Variants in LRRTM3 observed in about 807,000 individuals in gnomAD.
LRRTM3 encodes leucine-rich repeat transmembrane neuronal protein 3.
Under a neutral mutation model 44.7 loss-of-function variants are expected in LRRTM3, and 24 were observed. The ratio of observed to expected loss-of-function variants is 0.54; its 90% CI spans 0.39 to 0.76. The LOEUF (loss-of-function observed/expected upper bound fraction) is 0.76, where lower values mean the gene tolerates loss of function less well. Among genes scored for constraint, LRRTM3 ranks in the 30% least tolerant of loss-of-function variants. The probability of loss-of-function intolerance (pLI) is 0.00; values close to 1 mark genes in which losing one functional copy is unlikely to be tolerated. For synonymous variants in LRRTM3, 277 were observed against 278.7 expected (o/e 0.99, Z 0.06); for missense variants, 587 against 702.2 (o/e 0.84, Z 1.85).
In LRRTM3 at chr10:67,075,291, A is replaced by G. The variant is rs548463670; in HGVS notation, c.1537-22296A>G. The stretch of plus-strand genomic sequence containing the variant: ...AAAAAAATCAAAGCCTACTTTATCC[A>G]TAAGTAGGTAAAGCAATGGTTACAT... On this transcript the variant is annotated intron_variant, in intron 2 of 2. Coordinates refer to ENST00000361320, the MANE Select transcript of LRRTM3 (RefSeq NM_178011.5). Among the ~76,000 whole-genome samples, 19 of 152,328 alleles carry G rather than the reference A, an allele frequency of 1.2e-4. No homozygotes were observed. In the South Asian group the frequency reaches 3.9e-3, roughly 32 times the overall value.
At chr10:67,055,109 A>G (rs1456109620) in intron 2 of LRRTM3, 1 of 152,194 alleles carries the variant, frequency 6.6e-6, no homozygotes, top group Admixed American at 6.5e-5. Flanking sequence ...TAGAGTCAGC[A>G]CATCCTGGGT....
chr10:66,931,101 G>A (rs1847361315), intron 2 of LRRTM3, among the ~76,000 whole-genome samples: 1 of 148,224 alleles, frequency 6.7e-6, no homozygotes, highest in Non-Finnish European at 1.5e-5. Flanking sequence ...AGTATTTCAA[G>A]TTCATGCAGA....
intron 2 of LRRTM3, among the ~76,000 whole-genome samples, chr10:66,996,000 C>A (rs959307244): frequency 6.6e-6 from 1 of 152,146 alleles, no homozygotes; most frequent in Non-Finnish European, 1.5e-5. Flanking sequence ...CTATTATATC[C>A]TACACAATCA....
At chr10:67,066,699 C>T (rs1386673345) in intron 2 of LRRTM3, among the ~76,000 whole-genome samples, 1 of 152,020 alleles carries the variant, frequency 6.6e-6, no homozygotes, top group Non-Finnish European at 1.5e-5. Context: ...AAATATTATC[C>T]CTCTTCCTTT....
At position 67,099,025 on chromosome 10, in the gene LRRTM3, A is replaced by G. The variant is rs1031077275; in HGVS notation, c.*1229A>G. 1.3e-5 allele frequency: 2 copies of G among 151,882 alleles called. No homozygotes were observed. Among genetic ancestry groups the G allele is most frequent in the Non-Finnish European group, 2.9e-5 (2 of 67,874 alleles). The allele number at this position is 151,882 out of a possible 1,614,324, so 9.4% of individuals were successfully genotyped here. ...AGCTCATTCAATATAGATATGAGCC[A>G]TGGTGGAGAACTTTATCACTCAAGT... On this transcript the variant is annotated 3_prime_UTR_variant, in exon 3 of 3. Transcript: ENST00000361320.
chr10:67,027,679 C>G (rs1853477624), intron 2 of LRRTM3, among the ~76,000 whole-genome samples: 1 of 152,012 alleles, frequency 6.6e-6, no homozygotes, highest in Admixed American at 6.6e-5. Context: ...TTGTCATCCA[C>G]TGGCCTCCCA....
At chr10:67,076,492 A>T (rs1371986021) in intron 2 of LRRTM3, among the ~76,000 whole-genome samples, 2 of 152,130 alleles carry the variant, frequency 1.3e-5, no homozygotes, top group Non-Finnish European at 2.9e-5. Flanking sequence ...TATTTCCAGG[A>T]CTCCATCAGA....
chr10:67,047,806 G>A (rs1854847044), intron 2 of LRRTM3, among the ~76,000 whole-genome samples: 1 of 151,858 alleles, frequency 6.6e-6, no homozygotes, highest in East Asian at 1.9e-4. Context: ...TTATTCCATG[G>A]TAACATACCC....
chr10:67,036,892 AT>A (rs202152419), intron 2 of LRRTM3, among the ~76,000 whole-genome samples: 2,162 of 152,282 alleles, frequency 0.014, 59 homozygotes, highest in African/African-American at 0.049. Flanking sequence ...GTGAAAAAAA[AT>A]AATAATGCAT....
In LRRTM3 at chr10:66,947,692, A is replaced by G. The variant is rs1848343570; in HGVS notation, c.1536+19240A>G. Among the ~76,000 whole-genome samples, 3 of 152,278 alleles carry G rather than the reference A, an allele frequency of 2.0e-5. No homozygotes were observed. In the South Asian group the frequency reaches 6.2e-4, roughly 32 times the overall value. On this transcript the variant is annotated intron_variant, in intron 2 of 2. Coordinates refer to ENST00000361320, the MANE Select transcript of LRRTM3 (RefSeq NM_178011.5). ...TACTTTTTCTTTCATTCTGTTTTCAAATATTTTTTTCTTTTTTTAATCTTG... is the reference window on the plus strand; with the variant it reads ...TACTTTTTCTTTCATTCTGTTTTCAGATATTTTTTTCTTTTTTTAATCTTG...
intron 2 of LRRTM3, among the ~76,000 whole-genome samples, chr10:67,079,411 A>C (rs1158218113): frequency 1.3e-5 from 2 of 152,232 alleles, no homozygotes; most frequent in African/African-American, 2.4e-5. Context: ...AGCAATCTAC[A>C]TAAAACATTT....
At chr10:67,035,182 AATATAT>A in intron 2 of LRRTM3, among the ~76,000 whole-genome samples, 1 of 152,224 alleles carries the variant, frequency 6.6e-6, no homozygotes, top group Non-Finnish European at 1.5e-5. Flanking sequence ...TACCCATATG[AATATAT>A]AGATATGTAT....
rs1199084716 is a variant in LRRTM3 at position 67,101,480 on chromosome 10, T to C, written c.*3684T>C. On this transcript the variant is annotated 3_prime_UTR_variant, in exon 3 of 3. Coordinates refer to ENST00000361320, the MANE Select transcript of LRRTM3 (RefSeq NM_178011.5). Reference sequence around the variant, plus strand: ...TTCTTATAAGAAAAATAAAATATAATTTATCCAAATTGATGTATAGAACCT... The same window carrying C: ...TTCTTATAAGAAAAATAAAATATAACTTATCCAAATTGATGTATAGAACCT... Among the ~76,000 whole-genome samples the C allele has an allele frequency of 6.6e-6, 1 of 151,726 alleles. No individual in the cohort carries two copies. The highest frequency in any genetic ancestry group is 2.4e-5 in the African/African-American group (1 of 41,382).
intron 2 of LRRTM3, among the ~76,000 whole-genome samples, chr10:67,096,371 T>A (rs1857994277): frequency 6.6e-6 from 1 of 151,860 alleles, no homozygotes; most frequent in Non-Finnish European, 1.5e-5. Flanking sequence ...AAGATGCAGT[T>A]AATAAAAAAA....
chr10:67,084,022 G>A (rs776441008), intron 2 of LRRTM3, among the ~76,000 whole-genome samples: 10 of 152,106 alleles, frequency 6.6e-5, no homozygotes, highest in Non-Finnish European at 1.0e-4. Context: ...GAAGAGGTTC[G>A]TTGCTTTGCA....
At chr10:67,015,423 A>C (rs1417013608) in intron 2 of LRRTM3, 1 of 152,080 alleles carries the variant, frequency 6.6e-6, no homozygotes, top group Non-Finnish European at 1.5e-5. Flanking sequence ...CTTTCTCTTG[A>C]TACTATATTT....
At chr10:66,931,720 A>G (rs1245238346) in intron 2 of LRRTM3, among the ~76,000 whole-genome samples, 1 of 152,178 alleles carries the variant, frequency 6.6e-6, no homozygotes, top group East Asian at 1.9e-4. Flanking sequence ...TTTGAATGTT[A>G]TACTTTTCAT....
At chr10:66,997,673 A>G (rs1256562916) in intron 2 of LRRTM3, among the ~76,000 whole-genome samples, 5 of 152,154 alleles carry the variant, frequency 3.3e-5, no homozygotes, top group Non-Finnish European at 4.4e-5. Context: ...ATTTCTTCCC[A>G]AGCAAGTTTG....
chr10:67,022,074 A>C (rs935425965), intron 2 of LRRTM3, among the ~76,000 whole-genome samples: 4 of 152,248 alleles, frequency 2.6e-5, no homozygotes, highest in African/African-American at 9.6e-5. Context: ...ATCAGTGCTA[A>C]GACAGGAACT....
Sources: allele counts gnomAD v4.1 joint callset (sites outside exome capture counted in the v4.1 genomes callset), GRCh38; gene constraint gnomAD v4.1.1; transcripts MANE v1.5; gene names NCBI Gene and HGNC (gene_info 2026-07-23, HGNC 2026-07-21).